The following WWOX variants were observed in gnomAD, a reference collection of about 807,000 sequenced individuals.
WWOX encodes WW domain-containing oxidoreductase.
Under a neutral mutation model 46.2 loss-of-function variants are expected in WWOX, and 69 were observed. That is an observed-to-expected ratio of 1.49 (90% CI 1.23 to 1.82). The LOEUF (loss-of-function observed/expected upper bound fraction) is 1.82, where lower values mean the gene tolerates loss of function less well. Among genes scored for constraint, WWOX ranks in the 40% most tolerant of loss-of-function variants. The probability of loss-of-function intolerance (pLI) is 0.00; values close to 1 mark genes in which losing one functional copy is unlikely to be tolerated. For synonymous variants in WWOX, 359 were observed against 202.6 expected (o/e 1.77, Z -6.56); for missense variants, 919 against 542.6 (o/e 1.69, Z -6.89).
intron 5 of WWOX, among the ~76,000 whole-genome samples, chr16:78,380,792 G>C (rs1180490145): frequency 1.3e-5 from 2 of 152,108 alleles, no homozygotes; most frequent in African/African-American, 4.8e-5. Flanking sequence ...AACTTGCCCA[G>C]CCCCAAACCA....
At chr16:78,424,799 C>A in intron 6 of WWOX, 71 bp from the exon 7 acceptor site, 1 of 1,562,752 alleles carries the variant, frequency 6.4e-7, no homozygotes, top group South Asian at 1.1e-5. Flanking sequence ...CACGTGGATT[C>A]CCGAAGGAGC....
intron 5 of WWOX, among the ~76,000 whole-genome samples, chr16:78,359,092 A>G (rs2151912022): frequency 6.6e-6 from 1 of 152,238 alleles, no homozygotes; most frequent in African/African-American, 2.4e-5. Context: ...ATAATGCTTG[A>G]GAAAGCTTCT....
At chr16:78,860,019 C>T (rs1026736684) in intron 8 of WWOX, among the ~76,000 whole-genome samples, 9 of 152,040 alleles carry the variant, frequency 5.9e-5, no homozygotes, top group African/African-American at 2.2e-4. Flanking sequence ...AGCATTTTCA[C>T]GAGTAAACTT....
intron 8 of WWOX, among the ~76,000 whole-genome samples, chr16:78,907,274 C>T (rs559230507): frequency 1.3e-5 from 2 of 152,146 alleles, no homozygotes; most frequent in Admixed American, 6.5e-5. Flanking sequence ...GATGGGGCTA[C>T]CAGTCCTCAA....
intron 5 of WWOX, among the ~76,000 whole-genome samples, chr16:78,184,211 A>G (rs923758098): frequency 1.3e-5 from 2 of 152,072 alleles, no homozygotes; most frequent in African/African-American, 4.8e-5. Flanking sequence ...CAGGGTCCCA[A>G]ATGTTCAGTG....
At chr16:78,620,428 G>A (rs1158218242) in intron 8 of WWOX, among the ~76,000 whole-genome samples, 3 of 152,164 alleles carry the variant, frequency 2.0e-5, no homozygotes, top group Non-Finnish European at 4.4e-5. Flanking sequence ...AAACCATGGT[G>A]CTTGGGACAT....
intron 6 of WWOX, among the ~76,000 whole-genome samples, chr16:78,388,773 C>G (rs571922186): frequency 1.3e-4 from 19 of 151,356 alleles, no homozygotes; most frequent in Non-Finnish European, 2.5e-4. Flanking sequence ...AGTTCGAGAC[C>G]AGCCTGGGCA....
At chr16:78,123,428 G>GTTTTTTTTTTTTT (rs1330107026) in intron 4 of WWOX, 3 of 61,050 alleles carry the variant, frequency 4.9e-5, no homozygotes, top group African/African-American at 1.7e-4. Flanking sequence ...TTTTTTCTTT[G>GTTTTTTTTTTTTT]TTTTTTGTTT....
At chr16:78,865,775 G>A (rs1049153125) in intron 8 of WWOX, among the ~76,000 whole-genome samples, 1 of 152,168 alleles carries the variant, frequency 6.6e-6, no homozygotes, top group Non-Finnish European at 1.5e-5. Flanking sequence ...AGCTACTCAG[G>A]AGACGGAGGC....
At chr16:79,194,407 C>T (rs920311065) in intron 8 of WWOX, among the ~76,000 whole-genome samples, 2 of 152,156 alleles carry the variant, frequency 1.3e-5, no homozygotes, top group African/African-American at 4.8e-5. Context: ...CACAGTCTAA[C>T]AGCACACACC....
intron 8 of WWOX, among the ~76,000 whole-genome samples, chr16:78,930,419 A>C (rs1338707351): frequency 6.7e-6 from 1 of 148,592 alleles, no homozygotes; most frequent in African/African-American, 2.5e-5. Flanking sequence ...CTGGGACTAC[A>C]GGTGTGCACC....
intron 8 of WWOX, among the ~76,000 whole-genome samples, chr16:78,710,478 ATATATATATATATATATATATT>A (rs1342789964): frequency 8.3e-6 from 1 of 121,198 alleles, no homozygotes. Context: ...GATCTCATAT[ATATATATATATATATATATATT>A]TATATAAATA....
At chr16:78,624,192 A>C (rs1597363873) in intron 8 of WWOX, among the ~76,000 whole-genome samples, 1 of 138,496 alleles carries the variant, frequency 7.2e-6, no homozygotes, top group African/African-American at 2.7e-5. Flanking sequence ...TGTTTTATTT[A>C]TTTATTTTCT....
rs60560119 is a variant in WWOX, at chr16:78,734,841, C to CT, written c.1056+302131dup. On this transcript the variant is annotated intron_variant, in intron 8 of 8. Coordinates refer to ENST00000566780, the MANE Select transcript of WWOX (RefSeq NM_016373.4). The stretch of plus-strand genomic sequence containing the variant: ...GATGACTCAGGTGGGGACTTCAGTC[C>CT]TTTTTTTTTTTTTTTTTTTTTTTTT... 8.7e-4 allele frequency among the ~76,000 whole-genome samples: 35 copies of CT among 40,124 alleles called. 7 individuals are homozygous for CT. Among genetic ancestry groups the CT allele is most frequent in the Non-Finnish European group, 1.0e-3 (22 of 21,326 alleles). The allele number at this position is 40,124 out of a possible 152,430, so 26.3% of individuals were successfully genotyped here.
intron 8 of WWOX, among the ~76,000 whole-genome samples, chr16:78,944,546 TG>T (rs2045913173): frequency 6.6e-6 from 1 of 152,184 alleles, no homozygotes; most frequent in South Asian, 2.1e-4. Context: ...AATCAAGCTG[TG>T]GTCTTGAGTT....
chr16:79,026,555 C>A (rs985294847), intron 8 of WWOX, among the ~76,000 whole-genome samples: 3 of 149,732 alleles, frequency 2.0e-5, no homozygotes, highest in Admixed American at 6.6e-5. Flanking sequence ...ATCATGCCTG[C>A]TTTTCTGCAC....
intron 8 of WWOX, among the ~76,000 whole-genome samples, chr16:79,130,290 C>T (rs916797316): frequency 6.6e-6 from 1 of 152,120 alleles, no homozygotes; most frequent in Non-Finnish European, 1.5e-5. Flanking sequence ...TAGTGCCTGC[C>T]ACTTAGACCT....
Position 79,212,433 on chromosome 16 carries a change from A to ATTCT in WWOX, c.*640_*643dup, listed in dbSNP as rs1313929900. ...CTCCTTTGCTAATGCTATGCAAAAA[A>ATTCT]TTCTTTAGAGATTATAACAAATTTT... On this transcript the variant is annotated 3_prime_UTR_variant, in exon 9 of 9. Coordinates refer to ENST00000566780, the MANE Select transcript of WWOX (RefSeq NM_016373.4). 3.0e-5 allele frequency: 9 copies of ATTCT among 299,510 alleles called. No homozygotes were observed. The highest frequency in any genetic ancestry group is 1.4e-4 in the Admixed American group (3 of 22,046). 18.6% of individuals were successfully genotyped at this position (299,510 alleles called of 1,614,324 possible).
intron 8 of WWOX, among the ~76,000 whole-genome samples, chr16:78,831,248 A>G (rs1205551045): frequency 6.6e-6 from 1 of 152,150 alleles, no homozygotes; most frequent in African/African-American, 2.4e-5. Flanking sequence ...TTCCCCCTTT[A>G]TAAGCTGTGT....
Sources: allele counts gnomAD v4.1 joint callset (sites outside exome capture counted in the v4.1 genomes callset), GRCh38; gene constraint gnomAD v4.1.1; transcripts MANE v1.5; gene names NCBI Gene and HGNC (gene_info 2026-07-23, HGNC 2026-07-21).